Variants in CCNY observed in about 807,000 individuals in gnomAD.
CCNY encodes cyclin Y.
Under a neutral mutation model 42.8 loss-of-function variants are expected in CCNY, and 19 were observed. The observed-to-expected ratio is 0.44, with a 90% CI of 0.31 to 0.65. The LOEUF is 0.65. CCNY is among the 30% of genes least tolerant of loss of function. CCNY has a pLI of 0.07. For synonymous variants in CCNY, 165 were observed against 162.7 expected (o/e 1.01, Z -0.11); for missense variants, 370 against 437.3 (o/e 0.85, Z 1.37).
intron 3 of CCNY, among the ~76,000 whole-genome samples, chr10:35,319,044 C>G (rs1314463625): frequency 6.6e-6 from 1 of 152,154 alleles, no homozygotes; most frequent in Non-Finnish European, 1.5e-5. Context: ...CTCACCGAAG[C>G]CTTGACTGCC....
chr10:35,467,853 G>A (rs1002891461), intron 1 of CCNY, among the ~76,000 whole-genome samples: 4 of 152,174 alleles, frequency 2.6e-5, no homozygotes, highest in African/African-American at 9.7e-5. Flanking sequence ...TAGAGCCCCT[G>A]TTAGTTGGAC....
chr10:35,418,929 T>C (rs1195908516), intron 1 of CCNY, among the ~76,000 whole-genome samples: 2 of 152,150 alleles, frequency 1.3e-5, no homozygotes, highest in African/African-American at 4.8e-5. Context: ...CAAGCAATTC[T>C]TGTGCCTCAG....
At chr10:35,333,096 T>C (rs1835965084), upstream of CCNY, among the ~76,000 whole-genome samples, 1 of 151,788 alleles carries the variant, frequency 6.6e-6, no homozygotes, top group Non-Finnish European at 1.5e-5. Flanking sequence ...TGGGGTACAG[T>C]GGTACAATCA....
At chr10:35,313,525 T>C (rs1328793509) in intron 3 of CCNY, among the ~76,000 whole-genome samples, 2 of 152,150 alleles carry the variant, frequency 1.3e-5, no homozygotes, top group African/African-American at 4.8e-5. Context: ...TGCCTGTGCC[T>C]GCTGCAGGAT....
chr10:35,510,033 G>A (rs1035138218), intron 3 of CCNY, among the ~76,000 whole-genome samples: 1 of 152,042 alleles, frequency 6.6e-6, no homozygotes, highest in Non-Finnish European at 1.5e-5. Flanking sequence ...AGTGCAAGTG[G>A]CCAGTTCTCT....
chr10:35,427,151 C>T (rs1838289763), intron 1 of CCNY, among the ~76,000 whole-genome samples: 1 of 152,222 alleles, frequency 6.6e-6, no homozygotes, highest in Non-Finnish European at 1.5e-5. Flanking sequence ...GAAAAATCTA[C>T]CATGTCAGCT....
At chr10:35,280,997 G>T (rs1417584530) in intron 3 of CCNY, among the ~76,000 whole-genome samples, 1 of 152,134 alleles carries the variant, frequency 6.6e-6, no homozygotes, top group African/African-American at 2.4e-5. Context: ...ACGAAAAGTT[G>T]CTCTACCTCA....
At chr10:35,362,985 C>T (rs1271490722) in intron 1 of CCNY, among the ~76,000 whole-genome samples, 2 of 144,076 alleles carry the variant, frequency 1.4e-5, no homozygotes, top group Admixed American at 6.8e-5. Context: ...CCAGACAGGG[C>T]GGCGGCCGGG....
intron 5 of CCNY, among the ~76,000 whole-genome samples, chr10:35,527,275 A>G (rs184929707): frequency 1.3e-5 from 2 of 152,334 alleles, no homozygotes; most frequent in Admixed American, 1.3e-4. Context: ...TTTCTATACT[A>G]GTTCAAACCT....
chr10:35,487,191 C>A (rs1174560635), intron 2 of CCNY, among the ~76,000 whole-genome samples: 1 of 152,180 alleles, frequency 6.6e-6, no homozygotes, highest in Non-Finnish European at 1.5e-5. Context: ...TGTGGGTCTT[C>A]TACCCTATTT....
chr10:35,516,755 G>A, intron 4 of CCNY, 132 bp downstream of exon 4: 4 of 592,144 alleles, frequency 6.8e-6, no homozygotes, highest in South Asian at 2.3e-5. Flanking sequence ...GGGTCTGGGA[G>A]TGATAAGATT....
At chr10:35,267,835 A>G (rs140101907) in intron 3 of CCNY, among the ~76,000 whole-genome samples, 13 of 152,272 alleles carry the variant, frequency 8.5e-5, no homozygotes, top group South Asian at 2.1e-4. Context: ...AAGTTGAAAA[A>G]ACTGATGGGT....
chr10:35,430,336 C>CAAAAAAAAA (rs397954370), intron 1 of CCNY, among the ~76,000 whole-genome samples: 2 of 55,590 alleles, frequency 3.6e-5, no homozygotes, highest in Admixed American at 2.6e-4. Context: ...GACTCCGTCT[C>CAAAAAAAAA]AAAAAAAAAA....
At chr10:35,565,712 T>TTAGCAGCC (rs1238271397) in intron 8 of CCNY, among the ~76,000 whole-genome samples, 3 of 152,216 alleles carry the variant, frequency 2.0e-5, no homozygotes, top group African/African-American at 7.2e-5. Flanking sequence ...CCACCCTTTG[T>TTAGCAGCC]TAGCAGCCTG....
At chr10:35,318,966 A>G (rs532173227) in intron 3 of CCNY, among the ~76,000 whole-genome samples, 2 of 152,068 alleles carry the variant, frequency 1.3e-5, no homozygotes, top group Admixed American at 1.3e-4. Context: ...CAGATTTTCT[A>G]TAGTTTATTT....
chr10:35,251,508 A>G lies in CCNY; in HGVS notation c.-9+882A>G, dbSNP rs575221033. Reference sequence around the variant, plus strand: ...TTTGATTAAAGTAACATGACTGCAGATAAGGTTTTGTTTGCTAAATTGGAA... The same window carrying G: ...TTTGATTAAAGTAACATGACTGCAGGTAAGGTTTTGTTTGCTAAATTGGAA... On this transcript the variant is annotated intron_variant, in intron 3 of 11. Transcript: ENST00000374706. Among the ~76,000 whole-genome samples the G allele has an allele frequency of 2.0e-5, 3 of 152,184 alleles. No individual in the cohort carries two copies. The East Asian group carries it at 5.8e-4, about 29-fold the overall frequency.
intron 1 of CCNY, among the ~76,000 whole-genome samples, chr10:35,375,586 G>T (rs1247179580): frequency 1.3e-5 from 2 of 152,204 alleles, no homozygotes; most frequent in Non-Finnish European, 2.9e-5. Flanking sequence ...TGAATTTTGT[G>T]GGGTACTGAA....
intron 3 of CCNY, among the ~76,000 whole-genome samples, chr10:35,313,632 G>A (rs1835716629): frequency 6.6e-6 from 1 of 152,190 alleles, no homozygotes; most frequent in Admixed American, 6.5e-5. Context: ...CTCAGAGTAG[G>A]GAGAGACCAC....
intron 1 of CCNY, among the ~76,000 whole-genome samples, chr10:35,466,755 A>C (rs1454210252): frequency 6.6e-6 from 1 of 152,116 alleles, no homozygotes; most frequent in Non-Finnish European, 1.5e-5. Flanking sequence ...GCCGCAACTA[A>C]ATTTTAAGGT....
Sources: gnomAD v4.1 joint callset for allele counts (sites outside exome capture counted in the v4.1 genomes callset) on GRCh38, gnomAD v4.1.1 for gene constraint, MANE v1.5 for transcripts, NCBI Gene and HGNC (gene_info 2026-07-23, HGNC 2026-07-21) for gene names.